Variants in KIF7 observed in about 807,000 individuals in gnomAD.
KIF7 encodes the protein kinesin-like protein KIF7.
A neutral mutation model predicts 135.7 loss-of-function variants in KIF7; 104 were observed. The observed-to-expected ratio is 0.77, with a 90% confidence interval of 0.65 to 0.90. The LOEUF (loss-of-function observed/expected upper bound fraction) is 0.90. Among genes scored for constraint, KIF7 ranks in the 40% least tolerant of loss-of-function variants. The probability of loss-of-function intolerance (pLI) is 0.00; values close to 1 mark genes in which losing one functional copy is unlikely to be tolerated. For synonymous variants in KIF7, 883 were observed against 809.4 expected (o/e 1.09, Z -1.54); for missense variants, 2,005 against 1,839.1 (o/e 1.09, Z -1.65).
chr15:89,654,431 G>C (rs1964176589), intron 1 of KIF7, among the ~76,000 whole-genome samples: 1 of 151,738 alleles, frequency 6.6e-6, no homozygotes, highest in Admixed American at 6.6e-5. Flanking sequence ...GCCTGCAACG[G>C]CTAGGTGTTA....
intron 11 of KIF7, among the ~76,000 whole-genome samples, chr15:89,634,241 G>A (rs1963753154): frequency 6.6e-6 from 1 of 152,198 alleles, no homozygotes; most frequent in Non-Finnish European, 1.5e-5. Context: ...AGAGGTTGCA[G>A]TGAGCCGGGA....
At chr15:89,618,345 A>C (rs961330642) in intron 1 of KIF7, 1 of 777,564 alleles carries the variant, frequency 1.3e-6, no homozygotes, top group African/African-American at 1.7e-5. Flanking sequence ...AATGCAGCTC[A>C]GTAAATATTT....
At chr15:89,625,132 C>T (rs753494559), downstream of KIF7, 10 of 1,613,808 alleles carry the variant, frequency 6.2e-6, no homozygotes, top group Non-Finnish European at 8.5e-6. Context: ...TCTCAGCATG[C>T]CCAGGGCCAG....
chr15:89,649,403 G>C, intron 3 of KIF7, 36 bp from the exon 4 acceptor site: 9 of 1,445,376 alleles, frequency 6.2e-6, no homozygotes, highest in Non-Finnish European at 8.2e-6. Context: ...CCAGGGCAGG[G>C]GCCGCCAGAC....
chr15:89,619,191 A>T (rs1963382689), intron 1 of KIF7, among the ~76,000 whole-genome samples: 2 of 151,148 alleles, frequency 1.3e-5, no homozygotes, highest in South Asian at 4.2e-4. Flanking sequence ...AACCTAACAT[A>T]AATACTTGTT....
At chr15:89,631,933 G>A (rs1963688255) in intron 14 of KIF7, among the ~76,000 whole-genome samples, 1 of 152,338 alleles carries the variant, frequency 6.6e-6, no homozygotes, top group Admixed American at 6.5e-5. Context: ...ATGGCGAGAG[G>A]AGGATAAGGA....
rs137993810 is a variant in KIF7, at chr15:89,628,452, C to T, written c.3999G>A (p.Pro1333=). The part of the protein sequence containing the change: ...KPRRELRRAS[P]GMIDVRKNPL ...GGTTTTTCCGGACATCAATCATCCC[C>T]GGGCTGGCTCGTCGCAGTTCCCGCC... is the stretch of plus-strand genomic sequence containing the variant. The change falls in exon 19 of 19, where the codon CCG becomes CCA. Residue 1333 remains proline (P), a synonymous_variant. Transcript: ENST00000394412. 5.6e-6 allele frequency: 9 copies of T among 1,609,436 alleles called. No individual in the cohort carries two copies. Among genetic ancestry groups the T allele is most frequent in the East Asian group, 4.5e-5 (2 of 44,812 alleles).
chr15:89,648,966 C>A lies in KIF7; in HGVS notation c.923+8G>T. ...CCCAGGCCACATAGGAGCCAGGGGG[C>A]AGCTCACCGGGTGATCTTGGAGTCG... On this transcript the variant is annotated splice_region_variant and intron_variant, in intron 4 of 18. Transcript: ENST00000394412. The A allele has an allele frequency of 6.5e-7, 1 of 1,528,258 alleles. No homozygotes were observed. Among genetic ancestry groups the A allele is most frequent in the Non-Finnish European group, 8.8e-7 (1 of 1,135,846 alleles). The allele number at this position is 1,528,258 out of a possible 1,614,324, so 94.7% of individuals were successfully genotyped here.
At chr15:89,630,881 C>T (rs2141996862) in intron 15 of KIF7, 1 of 367,132 alleles carries the variant, frequency 2.7e-6, no homozygotes. Context: ...GTCGTGCAAA[C>T]ATCAGAATAT....
chr15:89,644,519 AC>A (rs1963975830), intron 10 of KIF7, among the ~76,000 whole-genome samples: 1 of 150,294 alleles, frequency 6.7e-6, no homozygotes, highest in Non-Finnish European at 1.5e-5. Flanking sequence ...AACTAAAAAT[AC>A]AAAAAAAAAA....
At chr15:89,660,696 G>A in the KIF7 span, among the ~76,000 whole-genome samples, 3 of 152,180 alleles carry the variant, frequency 2.0e-5, no homozygotes, top group South Asian at 2.1e-4. Context: ...CTGTACTATC[G>A]TTCAGCAAAG....
At chr15:89,625,619 T>C, downstream of KIF7, 1 of 1,613,072 alleles carries the variant, frequency 6.2e-7, no homozygotes, top group East Asian at 2.2e-5. Context: ...CAGTTTGGGT[T>C]GAGTTCCAGG....
rs552265210 is a variant in KIF7 at position 89,648,282 on chromosome 15, C to T, written c.1416G>A (p.Gln472=). 54 of 1,521,594 alleles carry T rather than the reference C, an allele frequency of 3.5e-5. No homozygotes were observed. Among genetic ancestry groups the T allele is most frequent in the Non-Finnish European group, 4.7e-5 (53 of 1,138,604 alleles). 94.3% of individuals were successfully genotyped at this position (1,521,594 alleles called of 1,614,324 possible). Reference sequence around the variant, plus strand: ...TTCGCCCGCCGGCCCCCTGCGCCGCCTGGTCCTCGACGGAGGCGCTCTCGA... The same window carrying T: ...TTCGCCCGCCGGCCCCCTGCGCCGCTTGGTCCTCGACGGAGGCGCTCTCGA... ...SGIESASVED[Q]AAQGAGGRKE... is the part of the protein sequence containing the mutation. The change falls in exon 5 of 19, where the codon CAG becomes CAA. Residue 472 remains glutamine (Q), a synonymous_variant. Transcript: ENST00000394412.
intron 10 of KIF7, among the ~76,000 whole-genome samples, chr15:89,643,034 G>A (rs1180441779): frequency 2.0e-5 from 3 of 152,114 alleles, no homozygotes; most frequent in African/African-American, 7.2e-5. Context: ...GAGGACAAAA[G>A]AATGAGCTAA....
chr15:89,648,671 C>A lies in KIF7; in HGVS notation c.1027G>T (p.Ala343Ser). Residue 343 changes from alanine to serine, a missense_variant, in exon 5 of 19, where the codon GCC becomes TCC. Coordinates refer to ENST00000394412, the MANE Select transcript of KIF7 (RefSeq NM_198525.3). ...TTGCGGATGTTCTGGGCGCGGCTGG[C>A]GTAGTTGAGGGTGTTGAGGGTCTCG... ...FDETLNTLNY[A>S]SRAQNIRNRA... 6.5e-7 allele frequency: 1 copy of A among 1,535,580 alleles called. No individual in the cohort carries two copies. The highest frequency in any genetic ancestry group is 1.4e-5 in the African/African-American group (1 of 73,108).
chr15:89,624,401 T>G, downstream of KIF7: 1 of 1,614,104 alleles, frequency 6.2e-7, no homozygotes. Context: ...CCCCCTGAAC[T>G]CTCACAGAGA....
intron 1 of KIF7, among the ~76,000 whole-genome samples, chr15:89,622,538 T>A (rs1425954094): frequency 1.3e-5 from 2 of 152,176 alleles, no homozygotes; most frequent in Non-Finnish European, 2.9e-5. Flanking sequence ...GGTTCAAAAA[T>A]AATCACCTTT....
rs145726393 is a variant in KIF7, at chr15:89,628,453, G to T, written c.3998C>A (p.Pro1333Gln). 3.9e-4 allele frequency: 624 copies of T among 1,609,876 alleles called. 2 individuals are homozygous for T. In the African/African-American group the frequency reaches 4.9e-3, roughly 13 times the overall value. ...GTTTTTCCGGACATCAATCATCCCC[G>T]GGCTGGCTCGTCGCAGTTCCCGCCG... ...KPRRELRRAS[P>Q]GMIDVRKNPL The change falls in exon 19 of 19, where the codon CCG (proline) becomes CAG (glutamine). Residue 1333 changes from proline (P) to glutamine (Q), a missense_variant. Pro to Gln is a moderately conservative substitution (Grantham distance 76). Coordinates refer to ENST00000394412, the MANE Select transcript of KIF7 (RefSeq NM_198525.3).
At chr15:89,620,680 C>T (rs1963409047) in intron 1 of KIF7, among the ~76,000 whole-genome samples, 1 of 152,074 alleles carries the variant, frequency 6.6e-6, no homozygotes, top group Non-Finnish European at 1.5e-5. Context: ...TTGTTGCCTT[C>T]TTTCTTTTAT....
Sources: allele counts gnomAD v4.1 joint callset (sites outside exome capture counted in the v4.1 genomes callset), GRCh38; gene constraint gnomAD v4.1.1; transcripts MANE v1.5; gene names NCBI Gene and HGNC (gene_info 2026-07-23, HGNC 2026-07-21).